CDK13: variants seen among roughly 807,000 people sequenced by gnomAD.
CDK13 encodes cyclin-dependent kinase 13.
In CDK13, 40 loss-of-function variants were observed where a neutral mutation model predicts 137.6. The observed-to-expected ratio is 0.29, with a 90% CI of 0.23 to 0.38. The LOEUF (loss-of-function observed/expected upper bound fraction) is 0.38, where lower values mean the gene tolerates loss of function less well. Ranked by LOEUF, CDK13 falls within the 10% of genes least tolerant of loss-of-function variation. The pLI is 1.00. For synonymous variants in CDK13, 869 were observed against 760.1 expected (o/e 1.14, Z -2.36); for missense variants, 1,704 against 1,951.8 (o/e 0.87, Z 2.39).
intron 11 of CDK13, among the ~76,000 whole-genome samples, chr7:40,080,476 T>C (rs1159170353): frequency 6.6e-6 from 1 of 152,228 alleles, no homozygotes; most frequent in African/African-American, 2.4e-5. Flanking sequence ...GAGGCTGTCA[T>C]ATTCAGCTTC....
Position 39,992,231 on chromosome 7 carries a change from C to T in CDK13, c.1871+3973C>T, listed in dbSNP as rs560297221. Among the ~76,000 whole-genome samples, 116 of 149,872 alleles carry T rather than the reference C, an allele frequency of 7.7e-4. 1 individual carries two copies. The highest frequency in any genetic ancestry group is 2.7e-3 in the African/African-American group (110 of 40,858). On this transcript the variant is annotated intron_variant, in intron 2 of 13. Coordinates refer to ENST00000181839, the MANE Select transcript of CDK13 (RefSeq NM_003718.5). ...ACTTCTCCCCGAGATGAAGTCTTGC[C>T]CTGTTGCCCAGGCTGGAATGCAGTG... is the stretch of plus-strand genomic sequence containing the variant.
At chr7:40,088,445 C>A in intron 12 of CDK13, 114 bp downstream of exon 12, 2 of 816,610 alleles carry the variant, frequency 2.4e-6, no homozygotes, top group Non-Finnish European at 3.9e-6. Flanking sequence ...AACATTTATT[C>A]ACTGAACTAG....
At position 39,999,648 on chromosome 7, in the gene CDK13, A is replaced by G. The variant is rs1784642479; in HGVS notation, c.2182+148A>G. ...TTCATCTTGTTTTTTTATTCTATAT[A>G]TGCATTTTGTAAGATATGAGTACAT... is the stretch of plus-strand genomic sequence containing the variant. On this transcript the variant is annotated intron_variant, in intron 4 of 13. Transcript: ENST00000181839. 1.3e-5 allele frequency: 10 copies of G among 778,508 alleles called. No homozygotes were observed. The South Asian group carries it at 1.7e-4, about 14-fold the overall frequency. 48.2% of individuals were successfully genotyped at this position (778,508 alleles called of 1,614,324 possible).
At chr7:40,083,727 T>G (rs530065529) in intron 11 of CDK13, among the ~76,000 whole-genome samples, 2 of 152,240 alleles carry the variant, frequency 1.3e-5, no homozygotes, top group African/African-American at 4.8e-5. Context: ...ACAAACATGT[T>G]AAAAACACAT....
At chr7:40,045,782 T>A in intron 5 of CDK13, 54 bp from the exon 6 acceptor site, 1 of 1,209,014 alleles carries the variant, frequency 8.3e-7, no homozygotes, top group Non-Finnish European at 1.2e-6. Context: ...ATTGTGAATT[T>A]ATGGAAAGGT....
intron 5 of CDK13, among the ~76,000 whole-genome samples, chr7:40,029,629 G>A (rs1311464661): frequency 1.3e-5 from 2 of 151,622 alleles, no homozygotes; most frequent in Non-Finnish European, 2.9e-5. Context: ...CTGAGAGAGA[G>A]AGAGAGAGAG....
At chr7:40,055,508 G>A (rs530801780) in intron 7 of CDK13, among the ~76,000 whole-genome samples, 7 of 151,358 alleles carry the variant, frequency 4.6e-5, no homozygotes, top group Admixed American at 4.0e-4. Flanking sequence ...TCATCTCTAC[G>A]ATGTTGACAG....
intron 9 of CDK13, among the ~76,000 whole-genome samples, chr7:40,068,998 C>A (rs1786349933): frequency 6.6e-6 from 1 of 152,090 alleles, no homozygotes; most frequent in African/African-American, 2.4e-5. Flanking sequence ...CTTTGGAAGG[C>A]CAAGGCAGGT....
intron 5 of CDK13, among the ~76,000 whole-genome samples, chr7:40,039,231 C>G (rs936440540): frequency 6.6e-6 from 1 of 151,742 alleles, no homozygotes; most frequent in African/African-American, 2.4e-5. Context: ...TCTTTTTTCC[C>G]CCTAATTTAG....
chr7:39,964,288 A>C (rs1783818142), intron 1 of CDK13, among the ~76,000 whole-genome samples: 1 of 152,132 alleles, frequency 6.6e-6, no homozygotes, highest in South Asian at 2.1e-4. Flanking sequence ...TTATTGCCTC[A>C]ATTTCAGAGC....
At position 40,063,009 on chromosome 7, in the gene CDK13, A is replaced by C; in HGVS notation, c.2703-14A>C. On this transcript the variant is annotated splice_polypyrimidine_tract_variant and intron_variant, in intron 8 of 13. Coordinates refer to ENST00000181839, the MANE Select transcript of CDK13 (RefSeq NM_003718.5). ...AATAGATCATTTGGTAATGACGGGTATTTTTTCCATTAGCTGTATCCTTGG... is the reference window on the plus strand; with the variant it reads ...AATAGATCATTTGGTAATGACGGGTCTTTTTTCCATTAGCTGTATCCTTGG... The C allele has an allele frequency of 6.2e-7, 1 of 1,612,714 alleles. No individual in the cohort carries two copies. The highest frequency in any genetic ancestry group is 2.2e-5 in the East Asian group (1 of 44,856).
Position 40,095,180 on chromosome 7 carries a change from C to T in CDK13, c.*200C>T, listed in dbSNP as rs942172267. The T allele has an allele frequency of 1.8e-5, 7 of 384,024 alleles. No homozygotes were observed. The highest frequency in any genetic ancestry group is 1.4e-4 in the African/African-American group (7 of 48,278). The allele number at this position is 384,024 out of a possible 1,614,324, so 23.8% of individuals were successfully genotyped here. A position where few individuals can be genotyped will look rare whatever the true frequency, so the allele number is the denominator to read the frequency against. On this transcript the variant is annotated 3_prime_UTR_variant, in exon 14 of 14. Coordinates refer to ENST00000181839, the MANE Select transcript of CDK13 (RefSeq NM_003718.5). ...ATTCATGCTGTTCTAAAAACTAGAT[C>T]GATTGTACATCTTCACAAATTCTAG...
At chr7:39,994,363 G>GTA (rs1784520495) in intron 2 of CDK13, among the ~76,000 whole-genome samples, 1 of 152,040 alleles carries the variant, frequency 6.6e-6, no homozygotes, top group Admixed American at 6.5e-5. Context: ...ACCGTTTATT[G>GTA]TATAATTCAT....
At chr7:40,014,314 G>A (rs1019822300) in intron 5 of CDK13, among the ~76,000 whole-genome samples, 5 of 151,708 alleles carry the variant, frequency 3.3e-5, no homozygotes, top group Non-Finnish European at 7.4e-5. Flanking sequence ...TGATCTGCCC[G>A]CCTCAGCCTC....
Position 39,988,030 on chromosome 7 carries a change from T to G in CDK13, c.1643T>G (p.Val548Gly), listed in dbSNP as rs1343552848. The G allele has an allele frequency of 1.2e-6, 2 of 1,613,098 alleles. No individual in the cohort carries two copies. Among genetic ancestry groups the G allele is most frequent in the South Asian group, 2.2e-5 (2 of 90,948 alleles). Residue 548 changes from valine to glycine, a missense_variant, in exon 2 of 14, where the codon GTG becomes GGG. Coordinates refer to ENST00000181839, the MANE Select transcript of CDK13 (RefSeq NM_003718.5). Reference protein sequence around the residue: ...KTKPPLQVTKVENNLIVDKAT... With the variant: ...KTKPPLQVTKGENNLIVDKAT... Reference sequence around the variant, plus strand: ...AAGCCACCTCTTCAGGTAACGAAGGTGGAAAATAATTTGATTGTAGATAAA... The same window carrying G: ...AAGCCACCTCTTCAGGTAACGAAGGGGGAAAATAATTTGATTGTAGATAAA...
At chr7:39,976,736 G>T (rs1784120238) in intron 1 of CDK13, among the ~76,000 whole-genome samples, 2 of 151,958 alleles carry the variant, frequency 1.3e-5, no homozygotes, top group Non-Finnish European at 2.9e-5. Flanking sequence ...TAATAAAATA[G>T]AACAATTATA....
At chr7:39,956,221 G>A (rs537201536) in intron 1 of CDK13, among the ~76,000 whole-genome samples, 1 of 152,094 alleles carries the variant, frequency 6.6e-6, no homozygotes, top group African/African-American at 2.4e-5. Flanking sequence ...TAGGATACTA[G>A]AACAAATGGA....
intron 5 of CDK13, among the ~76,000 whole-genome samples, chr7:40,015,445 C>T (rs1784983719): frequency 6.6e-6 from 1 of 152,234 alleles, no homozygotes; most frequent in Middle Eastern, 3.4e-3. Context: ...AATTAGAATC[C>T]TATACTCTGT....
intron 12 of CDK13, among the ~76,000 whole-genome samples, chr7:40,088,855 G>A (rs2150544739): frequency 6.6e-6 from 1 of 151,880 alleles, no homozygotes; most frequent in Non-Finnish European, 1.5e-5. Flanking sequence ...TGAGGCGGAT[G>A]GATCACCTGA....
Sources: gnomAD v4.1 joint callset for allele counts (sites outside exome capture counted in the v4.1 genomes callset) on GRCh38, gnomAD v4.1.1 for gene constraint, MANE v1.5 for transcripts, NCBI Gene and HGNC (gene_info 2026-07-23, HGNC 2026-07-21) for gene names.